Variants in PSD3 observed in about 807,000 individuals in gnomAD.
PSD3 encodes pleckstrin and Sec7 domain containing 3.
Under a neutral mutation model 105.5 loss-of-function variants are expected in PSD3, and 49 were observed. That is an observed-to-expected ratio of 0.46 (90% CI 0.37 to 0.59). The LOEUF (loss-of-function observed/expected upper bound fraction) is 0.59. Ranked by LOEUF, PSD3 falls within the 20% of genes least tolerant of loss-of-function variation. The probability of loss-of-function intolerance (pLI) is 0.00; values close to 1 mark genes in which losing one functional copy is unlikely to be tolerated. For missense variants in PSD3, 1,561 were observed against 1,263.8 expected, an observed-to-expected ratio of 1.24 and a Z score of -3.57; for synonymous variants, 557 against 457.8, an observed-to-expected ratio of 1.22 and a Z score of -2.77.
chr8:18,708,208 CA>C (rs1199827574), intron 9 of PSD3, among the ~76,000 whole-genome samples: 2 of 152,076 alleles, frequency 1.3e-5, no homozygotes, highest in African/African-American at 4.8e-5. Context: ...ACACATATGG[CA>C]AAGAGGATAT....
intron 15 of PSD3, among the ~76,000 whole-genome samples, chr8:18,541,000 T>A (rs927362874): frequency 2.0e-5 from 3 of 151,754 alleles, no homozygotes; most frequent in African/African-American, 7.3e-5. Context: ...CAGGACTTCC[T>A]CCCTCCCCTC....
At chr8:18,976,811 C>T (rs1397354607) in intron 1 of PSD3, among the ~76,000 whole-genome samples, 3 of 152,188 alleles carry the variant, frequency 2.0e-5, no homozygotes, top group Non-Finnish European at 2.9e-5. Context: ...AATATTGCCG[C>T]ATTGCTTGTA....
At chr8:18,940,900 T>C (rs1822496067) in intron 1 of PSD3, among the ~76,000 whole-genome samples, 1 of 152,196 alleles carries the variant, frequency 6.6e-6, no homozygotes. Flanking sequence ...AGTCTGGACC[T>C]GTCTGCCTTC....
chr8:18,875,265 C>T (rs1485737346), intron 2 of PSD3, among the ~76,000 whole-genome samples: 1 of 152,100 alleles, frequency 6.6e-6, no homozygotes, highest in Non-Finnish European at 1.5e-5. Flanking sequence ...CTAACAAGCA[C>T]TTCTCTGGGA....
At chr8:19,036,760 T>C (rs1827955654) in intron 1 of PSD3, among the ~76,000 whole-genome samples, 1 of 152,172 alleles carries the variant, frequency 6.6e-6, no homozygotes, top group African/African-American at 2.4e-5. Context: ...AAATGGACTA[T>C]CTCATTGCCA....
intron 2 of PSD3, among the ~76,000 whole-genome samples, chr8:18,915,692 C>T (rs1395312968): frequency 2.0e-5 from 3 of 152,126 alleles, no homozygotes; most frequent in African/African-American, 7.2e-5. Context: ...CACCTCGAAT[C>T]TGTTAGAATG....
At position 18,660,785 on chromosome 8, in the gene PSD3, A is replaced by G. The variant is rs76121606; in HGVS notation, c.2173-5100T>C. ...GCTTACCAATCTTTTATCTAACTGT[A>G]ATTTCTGTAACTTAACCCCAGAGCC... is the stretch of plus-strand genomic sequence containing the variant. On this transcript the variant is annotated intron_variant, in intron 9 of 15. Coordinates refer to ENST00000327040, the MANE Select transcript of PSD3 (RefSeq NM_015310.4). 7.1e-3 allele frequency among the ~76,000 whole-genome samples: 1,080 copies of G among 152,300 alleles called. 4 individuals are homozygous for G. The highest frequency in any genetic ancestry group is 0.011 in the Non-Finnish European group (741 of 68,024).
At chr8:18,963,934 T>C (rs1472057878) in intron 1 of PSD3, among the ~76,000 whole-genome samples, 1 of 152,180 alleles carries the variant, frequency 6.6e-6, no homozygotes, top group East Asian at 1.9e-4. Context: ...ATGGTGTTTG[T>C]TTCAGGTAAT....
At chr8:18,551,183 A>G (rs1054692091) in intron 15 of PSD3, among the ~76,000 whole-genome samples, 2 of 152,156 alleles carry the variant, frequency 1.3e-5, no homozygotes, top group African/African-American at 4.8e-5. Flanking sequence ...CCTACTATGA[A>G]AATTGCTTCC....
intron 9 of PSD3, among the ~76,000 whole-genome samples, chr8:18,699,388 C>A (rs11203986): frequency 0.77 from 116,743 of 152,192 alleles, 47,591 homozygotes; most frequent in Non-Finnish European, 0.92. Context: ...TGGAGCCAGT[C>A]AACAATTTGA....
intron 2 of PSD3, among the ~76,000 whole-genome samples, chr8:18,900,643 C>CTT (rs34004085): frequency 0.011 from 916 of 83,698 alleles, 5 homozygotes; most frequent in Admixed American, 0.03. Context: ...AGAGACAACT[C>CTT]TTTTTTTTTT....
intron 1 of PSD3, among the ~76,000 whole-genome samples, chr8:19,027,040 G>C (rs1563517160): frequency 6.6e-6 from 1 of 152,056 alleles, no homozygotes; most frequent in South Asian, 2.1e-4. Flanking sequence ...AAACATTGTC[G>C]ACAAAGTTGG....
At chr8:18,993,049 A>G (rs1351211291) in intron 1 of PSD3, among the ~76,000 whole-genome samples, 1 of 152,234 alleles carries the variant, frequency 6.6e-6, no homozygotes, top group Non-Finnish European at 1.5e-5. Context: ...TTCCAAATGC[A>G]ATAATTTAAT....
chr8:18,806,406 C>A (rs1811200594), intron 4 of PSD3, among the ~76,000 whole-genome samples: 1 of 152,178 alleles, frequency 6.6e-6, no homozygotes, highest in Non-Finnish European at 1.5e-5. Flanking sequence ...AAGACTACAG[C>A]CTGTGGTCAG....
intron 4 of PSD3, chr8:18,865,211 T>C (rs1481770344): frequency 1.8e-5 from 2 of 111,964 alleles, no homozygotes; most frequent in African/African-American, 3.4e-5. Flanking sequence ...CAAACTGGAA[T>C]ACAGATTCTA....
At chr8:18,966,835 G>A (rs78003532) in intron 1 of PSD3, among the ~76,000 whole-genome samples, 2,274 of 152,196 alleles carry the variant, frequency 0.015, 65 homozygotes, top group African/African-American at 0.052. Flanking sequence ...TGCAAAATTG[G>A]CATAAAATTT....
chr8:19,084,686 C>T (rs1244008808), exon 1 of PSD3: 1 of 342,506 alleles, frequency 2.9e-6, no homozygotes, highest in African/African-American at 2.1e-5. Flanking sequence ...CCTTCTTTTC[C>T]TTTGGAGCAG....
chr8:18,702,855 GC>G (rs894251259), intron 9 of PSD3, among the ~76,000 whole-genome samples: 2 of 151,804 alleles, frequency 1.3e-5, no homozygotes, highest in African/African-American at 4.8e-5. Flanking sequence ...CTCATGATCC[GC>G]CCGCCTCAGC....
chr8:19,043,595 T>C (rs574408458), intron 1 of PSD3, among the ~76,000 whole-genome samples: 3 of 152,226 alleles, frequency 2.0e-5, no homozygotes, highest in Non-Finnish European at 4.4e-5. Context: ...CCAAAACTTA[T>C]GCTGAAGTTA....
Sources: allele counts gnomAD v4.1 joint callset (sites outside exome capture counted in the v4.1 genomes callset), GRCh38; gene constraint gnomAD v4.1.1; transcripts MANE v1.5; gene names NCBI Gene and HGNC (gene_info 2026-07-23, HGNC 2026-07-21).